Variants in NBEA observed in about 807,000 individuals in gnomAD.
NBEA encodes neurobeachin.
In NBEA, 44 loss-of-function variants were observed where a neutral mutation model predicts 343.4. The ratio of observed to expected loss-of-function variants is 0.13; its 90% CI spans 0.10 to 0.16. The LOEUF (loss-of-function observed/expected upper bound fraction) is 0.16, where lower values mean the gene tolerates loss of function less well. Ranked by LOEUF, NBEA falls within the 10% of genes least tolerant of loss-of-function variation. The pLI, the probability that NBEA is intolerant of heterozygous loss-of-function variation, is 1.00. For synonymous variants in NBEA, 1,175 were observed against 1,238.7 expected (o/e 0.95, Z 1.08); for missense variants, 2,555 against 3,631.3 (o/e 0.70, Z 7.62).
intron 17 of NBEA, among the ~76,000 whole-genome samples, chr13:35,138,252 G>A (rs954344908): frequency 3.9e-5 from 6 of 151,984 alleles, no homozygotes; most frequent in African/African-American, 1.5e-4. Flanking sequence ...AAATATAAAT[G>A]TACATATTTT....
chr13:35,040,141 G>C (rs2062596479), intron 1 of NBEA, among the ~76,000 whole-genome samples: 1 of 152,076 alleles, frequency 6.6e-6, no homozygotes, highest in Non-Finnish European at 1.5e-5. Flanking sequence ...CAGTTTGACA[G>C]TGTTCTTTTT....
At chr13:35,319,428 G>A (rs1483392966) in intron 36 of NBEA, among the ~76,000 whole-genome samples, 1 of 152,188 alleles carries the variant, frequency 6.6e-6, no homozygotes, top group African/African-American at 2.4e-5. Context: ...TCTTAATCCT[G>A]AGTTCTAATT....
intron 34 of NBEA, among the ~76,000 whole-genome samples, chr13:35,285,412 T>A (rs2035354571): frequency 6.6e-6 from 1 of 152,190 alleles, no homozygotes; most frequent in Non-Finnish European, 1.5e-5. Flanking sequence ...AAATTCAGAT[T>A]GTCAGTATAG....
In NBEA at chr13:35,290,037, C is replaced by T. The variant is rs77330466; in HGVS notation, c.5777-352C>T. 4.4e-3 allele frequency among the ~76,000 whole-genome samples: 670 copies of T among 151,836 alleles called. 4 individuals carry two copies. Among genetic ancestry groups the T allele is most frequent in the African/African-American group, 0.013 (550 of 41,500 alleles). ...ATAAATGTCATTGGCGTAATAGCAGCTATACCTAGCTCATCAATTTTAATA... is the reference window on the plus strand; with the variant it reads ...ATAAATGTCATTGGCGTAATAGCAGTTATACCTAGCTCATCAATTTTAATA... On this transcript the variant is annotated intron_variant, in intron 34 of 58. Transcript: ENST00000379939.
chr13:34,985,301 T>C (rs972047674), intron 1 of NBEA, among the ~76,000 whole-genome samples: 5 of 151,102 alleles, frequency 3.3e-5, no homozygotes, highest in East Asian at 1.9e-4. Context: ...GATAATCATG[T>C]GGTTTTTGTC....
intron 39 of NBEA, among the ~76,000 whole-genome samples, chr13:35,441,055 C>T (rs955730176): frequency 1.2e-4 from 19 of 152,048 alleles, no homozygotes; most frequent in African/African-American, 4.6e-4. Flanking sequence ...GTATCAGCAC[C>T]ATCACTTATG....
At position 35,157,540 on chromosome 13, in the gene NBEA, C is replaced by G. The variant is rs538067433; in HGVS notation, c.2844+270C>G. Among the ~76,000 whole-genome samples the G allele has an allele frequency of 5.3e-5, 8 of 152,230 alleles. No individual in the cohort carries two copies. The South Asian group carries it at 1.7e-3, about 32-fold the overall frequency. On this transcript the variant is annotated intron_variant, in intron 21 of 58. Transcript: ENST00000379939. ...TTATAGCAAATCTGGGAACTTTAAT[C>G]TGAGCCACTTGCTCTTTCAACTGGT...
chr13:35,329,566 A>G (rs1396091539), intron 36 of NBEA, among the ~76,000 whole-genome samples: 2 of 152,028 alleles, frequency 1.3e-5, no homozygotes, highest in African/African-American at 2.4e-5. Flanking sequence ...AAAAATGCTT[A>G]TGTGAAGTGA....
intron 31 of NBEA, among the ~76,000 whole-genome samples, chr13:35,203,860 A>G (rs757651731): frequency 2.0e-5 from 3 of 152,220 alleles, no homozygotes; most frequent in Non-Finnish European, 4.4e-5. Flanking sequence ...TCTATGTAGT[A>G]TAAAAGAATT....
intron 39 of NBEA, among the ~76,000 whole-genome samples, chr13:35,444,933 C>G (rs1266280685): frequency 6.6e-6 from 1 of 152,096 alleles, no homozygotes; most frequent in East Asian, 1.9e-4. Context: ...CATTCAATTT[C>G]CAAAGTACTT....
At chr13:35,067,815 T>C (rs2063711797) in intron 8 of NBEA, among the ~76,000 whole-genome samples, 1 of 152,080 alleles carries the variant, frequency 6.6e-6, no homozygotes. Context: ...TGGCTCATTG[T>C]GGTCTCAAAA....
intron 31 of NBEA, 33 bp from the exon 32 acceptor site, chr13:35,208,667 G>A (rs771843914): frequency 6.6e-7 from 1 of 1,516,772 alleles, no homozygotes; most frequent in Non-Finnish European, 8.9e-7. Context: ...TCAACCTCAT[G>A]TTTGTTATTT....
At chr13:35,545,832 C>T (rs1212205391) in intron 41 of NBEA, among the ~76,000 whole-genome samples, 1 of 152,112 alleles carries the variant, frequency 6.6e-6, no homozygotes, top group Non-Finnish European at 1.5e-5. Context: ...AAAAGAGAAA[C>T]CAGCTGTATT....
chr13:35,389,098 G>A (rs1487199717), intron 38 of NBEA, among the ~76,000 whole-genome samples: 1 of 150,932 alleles, frequency 6.6e-6, no homozygotes, highest in Non-Finnish European at 1.5e-5. Context: ...TCTGACCACA[G>A]CTGGCCTCTT....
intron 41 of NBEA, among the ~76,000 whole-genome samples, chr13:35,548,283 C>T (rs2079155779): frequency 6.6e-6 from 1 of 152,140 alleles, no homozygotes; most frequent in African/African-American, 2.4e-5. Flanking sequence ...ACATGGTGCA[C>T]TTAAGGAGTC....
At chr13:35,547,537 A>G (rs1050870471) in intron 41 of NBEA, among the ~76,000 whole-genome samples, 6 of 152,192 alleles carry the variant, frequency 3.9e-5, no homozygotes, top group African/African-American at 1.4e-4. Flanking sequence ...ATTATCATAT[A>G]AATTATGCCA....
chr13:35,096,969 T>G (rs565889917), intron 10 of NBEA, among the ~76,000 whole-genome samples: 9 of 152,054 alleles, frequency 5.9e-5, no homozygotes, highest in Admixed American at 3.3e-4. Context: ...TTACTTTTTT[T>G]TGTGGTTTAA....
chr13:35,301,960 C>G (rs188721309), intron 35 of NBEA, among the ~76,000 whole-genome samples: 89 of 152,240 alleles, frequency 5.8e-4, no homozygotes, highest in African/African-American at 2.1e-3. Flanking sequence ...ACAAACTTAT[C>G]TTTAAAATTT....
chr13:35,171,468 C>T lies in NBEA; in HGVS notation c.4423+16C>T, dbSNP rs1272272655. ...CTAAGATTAGGTAAGTCTGTTAAAACAATAGTGCATGTCAAATAATTATCT... is the reference window on the plus strand; with the variant it reads ...CTAAGATTAGGTAAGTCTGTTAAAATAATAGTGCATGTCAAATAATTATCT... On this transcript the variant is annotated intron_variant, in intron 26 of 58. Transcript: ENST00000379939. 1 of 1,592,204 alleles carries T rather than the reference C, an allele frequency of 6.3e-7. No individual in the cohort carries two copies. The highest frequency in any genetic ancestry group is 8.6e-7 in the Non-Finnish European group (1 of 1,165,484).
Sources: gnomAD v4.1 joint callset for allele counts (sites outside exome capture counted in the v4.1 genomes callset) on GRCh38, gnomAD v4.1.1 for gene constraint, MANE v1.5 for transcripts, NCBI Gene and HGNC (gene_info 2026-07-23, HGNC 2026-07-21) for gene names.